The following SPOP variants were observed in gnomAD, a reference collection of about 807,000 sequenced individuals.
The protein encoded by SPOP is speckle type BTB/POZ protein, also known as speckle-type POZ protein.
SPOP carries 11 observed loss-of-function variants against 45.6 expected under a neutral mutation model. That is an observed-to-expected ratio of 0.24 (90% CI 0.15 to 0.40). The LOEUF (loss-of-function observed/expected upper bound fraction) is 0.40, where lower values mean the gene tolerates loss of function less well. Among genes scored for constraint, SPOP ranks in the 10% least tolerant of loss-of-function variants. The pLI, the probability that SPOP is intolerant of heterozygous loss-of-function variation, is 1.00. For synonymous variants in SPOP, 166 were observed against 166.3 expected (o/e 1.00, Z 0.01); for missense variants, 152 against 465.6 (o/e 0.33, Z 6.20).
chr17:49,617,150 A>T (rs1013101080), intron 5 of SPOP, among the ~76,000 whole-genome samples: 1 of 152,232 alleles, frequency 6.6e-6, no homozygotes, highest in African/African-American at 2.4e-5. Flanking sequence ...AAAAAGCTGC[A>T]GTAAAGGTTA....
At chr17:49,677,065 G>A (rs906133325) in intron 1 of SPOP, among the ~76,000 whole-genome samples, 1 of 152,206 alleles carries the variant, frequency 6.6e-6, no homozygotes, top group Non-Finnish European at 1.5e-5. Context: ...AAAGTAAGAA[G>A]GCCGGTGCCC....
chr17:49,641,335 A>AT (rs527695292), intron 1 of SPOP, among the ~76,000 whole-genome samples: 13 of 144,332 alleles, frequency 9.0e-5, no homozygotes, highest in Non-Finnish European at 1.8e-4. Flanking sequence ...CTGCTTCATC[A>AT]TTTTTTTTTC....
At chr17:49,678,131 CCG>C (rs2073230139), upstream of SPOP, 1 of 395,198 alleles carries the variant, frequency 2.5e-6, no homozygotes, top group African/African-American at 2.1e-5. Flanking sequence ...CCAGCGCGTA[CCG>C]CCAGACCCCA....
At chr17:49,660,070 C>T (rs1377694975) in intron 1 of SPOP, among the ~76,000 whole-genome samples, 1 of 152,134 alleles carries the variant, frequency 6.6e-6, no homozygotes, top group Non-Finnish European at 1.5e-5. Flanking sequence ...GGTATGGGTG[C>T]AGCCCAGGCA....
At chr17:49,633,490 T>C (rs1333891899) in intron 1 of SPOP, among the ~76,000 whole-genome samples, 4 of 152,124 alleles carry the variant, frequency 2.6e-5, no homozygotes, top group Non-Finnish European at 4.4e-5. Context: ...GGTTAAAATA[T>C]GGAATAATTC....
chr17:49,625,952 A>G (rs1480226490), intron 1 of SPOP, among the ~76,000 whole-genome samples: 1 of 152,222 alleles, frequency 6.6e-6, no homozygotes, highest in African/African-American at 2.4e-5. Context: ...TTAATTAGGG[A>G]TGACAGGTAC....
intron 1 of SPOP, among the ~76,000 whole-genome samples, chr17:49,661,702 C>G (rs1399621295): frequency 6.6e-6 from 1 of 152,230 alleles, no homozygotes; most frequent in Non-Finnish European, 1.5e-5. Context: ...ACACTATTCC[C>G]TTCCCTTCTC....
At chr17:49,637,090 G>C (rs758337376) in intron 1 of SPOP, among the ~76,000 whole-genome samples, 20 of 152,102 alleles carry the variant, frequency 1.3e-4, no homozygotes, top group Non-Finnish European at 2.2e-4. Flanking sequence ...GTGCACGACT[G>C]TAGTCCCAGT....
chr17:49,608,004 G>A, intron 6 of SPOP, 75 bp from the exon 7 acceptor site: 1 of 1,405,554 alleles, frequency 7.1e-7, no homozygotes, highest in Non-Finnish European at 9.9e-7. Flanking sequence ...TCATGAGGGA[G>A]AGATCATTTT....
In SPOP at chr17:49,678,016, G is replaced by A. The variant is rs1355254424; in HGVS notation, c.-150C>T. 1.5e-5 allele frequency: 6 copies of A among 398,972 alleles called. No individual in the cohort carries two copies. The highest frequency in any genetic ancestry group is 2.1e-5 in the African/African-American group (1 of 48,456). 24.7% of individuals were successfully genotyped at this position (398,972 alleles called of 1,614,324 possible). On this transcript the variant is annotated 5_prime_UTR_variant, in exon 1 of 10. Coordinates refer to ENST00000504102, the MANE Select transcript of SPOP (RefSeq NM_001007228.2). ...CGCAACATCCGGGACCTGCGGGACC[G>A]CCGATACACAAATACACACACACTC...
intron 1 of SPOP, among the ~76,000 whole-genome samples, chr17:49,644,230 G>A (rs536539822): frequency 1.5e-4 from 23 of 152,178 alleles, no homozygotes; most frequent in African/African-American, 5.1e-4. Flanking sequence ...AATAAAATGC[G>A]AAGTTGCCAA....
chr17:49,637,138 G>A (rs893900742), intron 1 of SPOP, among the ~76,000 whole-genome samples: 3 of 151,902 alleles, frequency 2.0e-5, no homozygotes, highest in Non-Finnish European at 4.4e-5. Flanking sequence ...GCTTGAACCC[G>A]GTGGAGGAGG....
chr17:49,610,459 T>A (rs1385183255), intron 6 of SPOP, among the ~76,000 whole-genome samples: 1 of 152,164 alleles, frequency 6.6e-6, no homozygotes, highest in African/African-American at 2.4e-5. Context: ...CTTCAGGTGA[T>A]CCACCCGCCT....
intron 1 of SPOP, among the ~76,000 whole-genome samples, chr17:49,675,006 AT>A (rs1346580762): frequency 1.3e-5 from 2 of 152,250 alleles, no homozygotes; most frequent in Admixed American, 1.3e-4. Context: ...ATGATCAAAA[AT>A]TTTGATAATA....
chr17:49,636,772 T>C (rs1338235970), intron 1 of SPOP: 1 of 152,178 alleles, frequency 6.6e-6, no homozygotes, highest in African/African-American at 2.4e-5. Flanking sequence ...GTTAAGTCAG[T>C]AGGAAAACTC....
rs1279631023 is a variant in SPOP at position 49,607,313 on chromosome 17, A to T, written c.774T>A (p.Ile258=). Reference sequence around the variant, plus strand: ...CGAGGTTTGGAGCCTTCCCCGTGTAAATGAAGCACATCATTTCCTTAAAAA... The same window carrying T: ...CGAGGTTTGGAGCCTTCCCCGTGTATATGAAGCACATCATTTCCTTAAAAA... The part of the protein sequence containing the change: ...PEVFKEMMCF[I]YTGKAPNLDK... The change falls in exon 8 of 10, where the codon ATT becomes ATA. Residue 258 remains isoleucine (I), a synonymous_variant. Coordinates refer to ENST00000504102, the MANE Select transcript of SPOP (RefSeq NM_001007228.2). The T allele has an allele frequency of 6.2e-7, 1 of 1,613,976 alleles. No individual in the cohort carries two copies. Among genetic ancestry groups the T allele is most frequent in the Non-Finnish European group, 8.5e-7 (1 of 1,180,026 alleles).
intron 8 of SPOP, among the ~76,000 whole-genome samples, chr17:49,605,849 A>G (rs1377264099): frequency 7.0e-6 from 1 of 143,692 alleles, no homozygotes; most frequent in Non-Finnish European, 1.5e-5. Flanking sequence ...TTAGCCAGGG[A>G]TGGTGGCGGG....
intron 1 of SPOP, among the ~76,000 whole-genome samples, chr17:49,669,579 A>T (rs2073110712): frequency 6.7e-6 from 1 of 150,016 alleles, no homozygotes; most frequent in African/African-American, 2.4e-5. Flanking sequence ...ATCCTGGCCA[A>T]CATGGTGAAA....
rs555369933 is a variant in SPOP, at chr17:49,642,021, G to A, written c.-66-19145C>T. ...AGCCTGGGTGACAGAGTGAGACTCC[G>A]CCTCAAAAAAAAAAAAGTGTAATAC... On this transcript the variant is annotated intron_variant, in intron 1 of 9. Transcript: ENST00000504102. Among the ~76,000 whole-genome samples the A allele has an allele frequency of 5.3e-5, 8 of 150,308 alleles. No homozygotes were observed. In the South Asian group the frequency reaches 1.3e-3, roughly 24 times the overall value.
Sources: allele counts gnomAD v4.1 joint callset (sites outside exome capture counted in the v4.1 genomes callset), GRCh38; gene constraint gnomAD v4.1.1; transcripts MANE v1.5; gene names NCBI Gene and HGNC (gene_info 2026-07-23, HGNC 2026-07-21).